SPRR2F: variants seen among roughly 807,000 people sequenced by gnomAD.
The protein encoded by SPRR2F is small proline-rich protein 2F.
Under a neutral mutation model 0.8 loss-of-function variants are expected in SPRR2F, and 2 were observed. That is an observed-to-expected ratio of 2.52 (90% CI 1.03 to 7.95). SPRR2F has a LOEUF of 7.95. Among genes scored for constraint, SPRR2F ranks in the 30% most tolerant of loss-of-function variants. The pLI, the probability that SPRR2F is intolerant of heterozygous loss-of-function variation, is 0.04. For synonymous variants in SPRR2F, 39 were observed against 33.4 expected, an observed-to-expected ratio of 1.17 and a Z score of -0.58; for missense variants, 80 against 85.8, an observed-to-expected ratio of 0.93 and a Z score of 0.27.
upstream of SPRR2F, among the ~76,000 whole-genome samples, chr1:153,114,912 G>C (rs1655692052): frequency 6.6e-6 from 1 of 152,160 alleles, no homozygotes; most frequent in South Asian, 2.1e-4. Context: ...CCTTAGACCA[G>C]TAGTCAGAAA....
In SPRR2F at chr1:153,113,458, C is replaced by T. The variant is rs988836951; in HGVS notation, c.-20+16G>A. 1.3e-5 allele frequency: 2 copies of T among 152,696 alleles called. No homozygotes were observed. Among genetic ancestry groups the T allele is most frequent in the Admixed American group, 6.5e-5 (1 of 15,370 alleles). The allele number at this position is 152,696 out of a possible 1,614,324, so 9.5% of individuals were successfully genotyped here. ...CAGGGCACAAAGAACAGAGGAACTC[C>T]AGGAAGCCGACTCACCAGGTTCTCC... On this transcript the variant is annotated intron_variant, in intron 1 of 1. Transcript: ENST00000468739.
At chr1:153,114,589 A>G (rs1438059924), upstream of SPRR2F, among the ~76,000 whole-genome samples, 9 of 152,168 alleles carry the variant, frequency 5.9e-5, no homozygotes, top group Non-Finnish European at 1.5e-5. Context: ...CAAATTAAGT[A>G]TAATCTAATA....
chr1:153,118,326 G>A (rs942069215), upstream of SPRR2F, among the ~76,000 whole-genome samples: 2 of 152,164 alleles, frequency 1.3e-5, no homozygotes, highest in East Asian at 3.9e-4. Flanking sequence ...ATACTTTAAG[G>A]TTCCATATAT....
At chr1:153,118,986 AATTTTTTATGC>A in the SPRR2F span, among the ~76,000 whole-genome samples, 1 of 152,186 alleles carries the variant, frequency 6.6e-6, no homozygotes, top group Non-Finnish European at 1.5e-5. Context: ...GTCAGAGTTG[AATTTTTTATGC>A]ATTTACAGTT....
Position 153,112,648 on chromosome 1 carries a change from G to A in SPRR2F, c.86C>T (p.Pro29Leu), listed in dbSNP as rs1423822615. The A allele has an allele frequency of 3.7e-6, 6 of 1,612,404 alleles. No homozygotes were observed. The highest frequency in any genetic ancestry group is 2.2e-5 in the South Asian group (2 of 91,002). The change falls in exon 2 of 2, where the codon CCC (proline) becomes CTC (leucine). Residue 29 changes from proline (P) to leucine (L), a missense_variant. Pro to Leu is a moderately conservative substitution (Grantham distance 98). Transcript: ENST00000468739. Reference sequence around the variant, plus strand: ...TGGGCAGGGCTCAGGGCACTTCGGGGGTGGACATGGCTCTGGGCACTTTGG... The same window carrying A: ...TGGGCAGGGCTCAGGGCACTTCGGGAGTGGACATGGCTCTGGGCACTTTGG... ...PAPKCPEPCP[P>L]PKCPEPCPPS...
At chr1:153,114,553 T>C (rs1356604644), upstream of SPRR2F, among the ~76,000 whole-genome samples, 1 of 152,196 alleles carries the variant, frequency 6.6e-6, no homozygotes, top group South Asian at 2.1e-4. Context: ...TCAGCGCACC[T>C]AAAGTCTGAA....
upstream of SPRR2F, among the ~76,000 whole-genome samples, chr1:153,115,058 C>T (rs939708653): frequency 6.6e-6 from 1 of 152,158 alleles, no homozygotes; most frequent in Non-Finnish European, 1.5e-5. Context: ...AACCCAGCAT[C>T]ACATCCCTCA....
chr1:153,117,755 A>C (rs1314571522), upstream of SPRR2F, among the ~76,000 whole-genome samples: 2 of 152,114 alleles, frequency 1.3e-5, no homozygotes, highest in Non-Finnish European at 2.9e-5. Flanking sequence ...AATAGAATAA[A>C]TCTGACACTT....
chr1:153,115,318 C>A (rs1208070037), upstream of SPRR2F, among the ~76,000 whole-genome samples: 1 of 152,192 alleles, frequency 6.6e-6, no homozygotes, highest in African/African-American at 2.4e-5. Context: ...AGCCTCACAT[C>A]ACATCTAAAA....
chr1:153,118,718 G>C, the SPRR2F span, among the ~76,000 whole-genome samples: 4 of 152,264 alleles, frequency 2.6e-5, no homozygotes, highest in Middle Eastern at 3.4e-3. Context: ...ATGATAAAGA[G>C]AGCCTTTTGA....
Position 153,112,587 on chromosome 1 carries a change from C to T in SPRR2F, c.147G>A (p.Gln49=). ...SKCPQSCPPQ[Q]CQQKCPPVTP... is the part of the protein sequence containing the mutation. ...TCACAGGAGGACATTTCTGCTGGCA[C>T]TGCTGAGGTGGGCAGGACTGTGGAC... The change falls in exon 2 of 2, where the codon CAG becomes CAA. Residue 49 remains glutamine (Q), a synonymous_variant. Transcript: ENST00000468739. 4.3e-6 allele frequency: 7 copies of T among 1,613,032 alleles called. No homozygotes were observed. Among genetic ancestry groups the T allele is most frequent in the East Asian group, 4.5e-5 (2 of 44,880 alleles).
At chr1:153,119,346 G>C in the SPRR2F span, among the ~76,000 whole-genome samples, 1 of 152,220 alleles carries the variant, frequency 6.6e-6, no homozygotes, top group African/African-American at 2.4e-5. Context: ...ATTTAAGAGA[G>C]ACTCACTTTA....
chr1:153,112,389 G>A lies in SPRR2F; in HGVS notation c.*126C>T, dbSNP rs1655608127. The A allele has an allele frequency of 2.0e-6, 3 of 1,482,614 alleles. No individual in the cohort carries two copies. Among genetic ancestry groups the A allele is most frequent in the African/African-American group, 2.8e-5 (2 of 70,904 alleles). 91.8% of individuals were successfully genotyped at this position (1,482,614 alleles called of 1,614,324 possible). A position where few individuals can be genotyped will look rare whatever the true frequency, so the allele number is the denominator to read the frequency against. ...CAGAGATCATCACAGGCCGATCACAGGCTAAGAGGAAAGAAGCTCCCTGTG... is the reference window on the plus strand; with the variant it reads ...CAGAGATCATCACAGGCCGATCACAAGCTAAGAGGAAAGAAGCTCCCTGTG... On this transcript the variant is annotated 3_prime_UTR_variant, in exon 2 of 2. Coordinates refer to ENST00000468739, the MANE Select transcript of SPRR2F (RefSeq NM_001014450.3).
the SPRR2F span, among the ~76,000 whole-genome samples, chr1:153,119,102 C>T: frequency 1.6e-3 from 236 of 151,836 alleles, 2 homozygotes; most frequent in African/African-American, 5.3e-3. Flanking sequence ...AGAACATATA[C>T]AAAAGGAAAA....
At chr1:153,117,973 A>G (rs1490576154), upstream of SPRR2F, among the ~76,000 whole-genome samples, 1 of 152,114 alleles carries the variant, frequency 6.6e-6, no homozygotes, top group East Asian at 1.9e-4. Context: ...AAATATAAAC[A>G]GAAAAATCAA....
upstream of SPRR2F, among the ~76,000 whole-genome samples, chr1:153,116,126 T>C (rs1044430011): frequency 1.3e-5 from 2 of 152,218 alleles, no homozygotes; most frequent in Non-Finnish European, 2.9e-5. Context: ...CTGCTTCTGT[T>C]TTATTCCTGA....
rs557779799 is a variant in SPRR2F at position 153,112,201 on chromosome 1, G to C, written c.*314C>G. Reference sequence around the variant, plus strand: ...GGTGGAAGCTCATGCCCAGGGGACAGACAGACACAGAAAACATCAACAGAA... The same window carrying C: ...GGTGGAAGCTCATGCCCAGGGGACACACAGACACAGAAAACATCAACAGAA... On this transcript the variant is annotated 3_prime_UTR_variant, in exon 2 of 2. Transcript: ENST00000468739. The C allele has an allele frequency of 3.8e-4, 166 of 439,764 alleles. No homozygotes were observed. The highest frequency in any genetic ancestry group is 4.7e-4 in the Non-Finnish European group (120 of 253,012). 27.2% of individuals were successfully genotyped at this position (439,764 alleles called of 1,614,324 possible).
chr1:153,112,757 A>G lies in SPRR2F; in HGVS notation c.-19-5T>C. 6.2e-7 allele frequency: 1 copy of G among 1,610,870 alleles called. No homozygotes were observed. The highest frequency in any genetic ancestry group is 1.1e-5 in the South Asian group (1 of 90,994). ...ATCCTGCTGGAGTCTCAGAATCTGA[A>G]AGAAATTATATGACAGTGTTCACGG... On this transcript the variant is annotated splice_polypyrimidine_tract_variant and splice_region_variant and intron_variant, in intron 1 of 1. Coordinates refer to ENST00000468739, the MANE Select transcript of SPRR2F (RefSeq NM_001014450.3).
chr1:153,117,030 T>C (rs376557676), upstream of SPRR2F, among the ~76,000 whole-genome samples: 48 of 152,234 alleles, frequency 3.2e-4, no homozygotes, highest in African/African-American at 1.0e-3. Flanking sequence ...TGTAATACAT[T>C]GTTAATCAAA....
Sources: gnomAD v4.1 joint callset for allele counts (sites outside exome capture counted in the v4.1 genomes callset) on GRCh38, gnomAD v4.1.1 for gene constraint, MANE v1.5 for transcripts, NCBI Gene and HGNC (gene_info 2026-07-23, HGNC 2026-07-21) for gene names.